Variants in MON2 observed in about 807,000 individuals in gnomAD.
The protein encoded by MON2 is protein MON2 homolog.
In MON2, 84 loss-of-function variants were observed where a neutral mutation model predicts 208.6. The ratio of observed to expected loss-of-function variants is 0.40; its 90% CI spans 0.34 to 0.48. The LOEUF is 0.48. Among genes scored for constraint, MON2 ranks in the 20% least tolerant of loss-of-function variants. MON2 has a pLI of 0.59. For synonymous variants in MON2, 660 were observed against 694.0 expected, an observed-to-expected ratio of 0.95 and a Z score of 0.77; for missense variants, 1,611 against 2,015.4, an observed-to-expected ratio of 0.80 and a Z score of 3.84.
chr12:62,536,257 G>A (rs980725223), intron 14 of MON2, among the ~76,000 whole-genome samples: 1 of 151,972 alleles, frequency 6.6e-6, no homozygotes. Context: ...GAACAGTAAT[G>A]TTTGTAACCA....
chr12:62,553,745 C>T (rs1428744219), intron 24 of MON2, among the ~76,000 whole-genome samples: 3 of 152,088 alleles, frequency 2.0e-5, no homozygotes, highest in Non-Finnish European at 2.9e-5. Context: ...CTAATAAAAT[C>T]AGCAGTTTAT....
chr12:62,560,235 T>C, intron 25 of MON2: 1 of 308,506 alleles, frequency 3.2e-6, no homozygotes, highest in Non-Finnish European at 5.9e-6. Context: ...TTTTTAAGAT[T>C]GAAACATTAT....
At chr12:62,567,253 C>A (rs755512600) in intron 29 of MON2, among the ~76,000 whole-genome samples, 7 of 152,152 alleles carry the variant, frequency 4.6e-5, no homozygotes, top group Admixed American at 2.6e-4. Flanking sequence ...CTATCCCAAC[C>A]TTTCTTCATT....
chr12:62,493,989 C>A lies in MON2; in HGVS notation c.250C>A (p.Gln84Lys), dbSNP rs1565970009. The A allele has an allele frequency of 6.2e-7, 1 of 1,613,140 alleles. No homozygotes were observed. The highest frequency in any genetic ancestry group is 1.1e-5 in the South Asian group (1 of 91,024). The change falls in exon 3 of 35, where the codon CAG (glutamine) becomes AAG (lysine). Residue 84 changes from glutamine (Q) to lysine (K), a missense_variant. Coordinates refer to ENST00000393630, the MANE Select transcript of MON2 (RefSeq NM_015026.3). ...GCGTKEPKITQLCLAAIQRLM... is the reference protein window; with the variant it reads ...GCGTKEPKITKLCLAAIQRLM... ...TGGAACCAAGGAACCGAAGATCACT[C>A]AGCTATGTTTGGCTGCTATTCAGAG...
intron 7 of MON2, among the ~76,000 whole-genome samples, chr12:62,507,082 T>C (rs1216858562): frequency 6.6e-6 from 1 of 152,194 alleles, no homozygotes; most frequent in Non-Finnish European, 1.5e-5. Context: ...TTGTTTGCCA[T>C]TGCATGTTTT....
chr12:62,537,495 A>T, intron 15 of MON2, 107 bp from the exon 16 acceptor site: 2 of 857,760 alleles, frequency 2.3e-6, no homozygotes, highest in Non-Finnish European at 3.5e-6. Flanking sequence ...TCTTTTTCTT[A>T]ATTTTTTCTT....
At chr12:62,589,830 A>G (rs546463380) in intron 34 of MON2, among the ~76,000 whole-genome samples, 1 of 152,232 alleles carries the variant, frequency 6.6e-6, no homozygotes, top group South Asian at 2.1e-4. Flanking sequence ...TTACAAAGCC[A>G]ATAGGTTATA....
Position 62,571,555 on chromosome 12 carries a change from C to G in MON2, c.4487C>G (p.Thr1496Ser), listed in dbSNP as rs759888325. ...AGTATGTGGCCAGAACTAGCCAATA[C>G]TTTTGAAGATTTTCTCTTTACTAAA... ...FDSMWPELANTFEDFLFTKSI... is the reference protein window; with the variant it reads ...FDSMWPELANSFEDFLFTKSI... Residue 1496 changes from threonine (T) to serine (S), a missense_variant, in exon 30 of 35, where the codon ACT (threonine) becomes AGT (serine). Coordinates refer to ENST00000393630, the MANE Select transcript of MON2 (RefSeq NM_015026.3). The G allele has an allele frequency of 6.2e-7, 1 of 1,609,626 alleles. No homozygotes were observed. The highest frequency in any genetic ancestry group is 8.5e-7 in the Non-Finnish European group (1 of 1,178,690).
chr12:62,572,162 G>C (rs1354194214), intron 30 of MON2, among the ~76,000 whole-genome samples: 1 of 152,160 alleles, frequency 6.6e-6, no homozygotes, highest in Non-Finnish European at 1.5e-5. Context: ...CAGTACAGTA[G>C]CAATTGCTAG....
chr12:62,497,157 T>G (rs2070547494), intron 4 of MON2, among the ~76,000 whole-genome samples: 1 of 84,330 alleles, frequency 1.2e-5, no homozygotes, highest in Non-Finnish European at 2.3e-5. Context: ...GGGCCTGTTG[T>G]GGGGTTGGGG....
In MON2 at chr12:62,545,006, C is replaced by G; in HGVS notation, c.2575C>G (p.Gln859Glu). 2 of 1,558,622 alleles carry G rather than the reference C, an allele frequency of 1.3e-6. No individual in the cohort carries two copies. The highest frequency in any genetic ancestry group is 1.7e-6 in the Non-Finnish European group (2 of 1,150,922). Residue 859 changes from glutamine to glutamate, a missense_variant and splice_region_variant, in exon 21 of 35, where the codon CAG (glutamine) becomes GAG (glutamate). By Grantham distance (29) the Gln-to-Glu change is conservative. Transcript: ENST00000393630. ...FNHDPPLSQN[Q>E]RLQLLLLNPL... ...CCATGATCCTCCACTCTCACAAAAC[C>G]AGGTAATAAAAACCTTACTTTTTAA...
rs1428329377 is a variant in MON2 at position 62,556,910 on chromosome 12, T to C, written c.3409+718T>C. On this transcript the variant is annotated intron_variant, in intron 25 of 34. Transcript: ENST00000393630. ...GAGAAATATAATGAGATCTCATCTC[T>C]ACAAAAATTTTTTTAAAATAAAAAA... 3.9e-5 allele frequency among the ~76,000 whole-genome samples: 6 copies of C among 152,228 alleles called. No individual in the cohort carries two copies. The South Asian group carries it at 1.2e-3, about 32-fold the overall frequency.
chr12:62,506,744 A>T (rs1382331837), intron 7 of MON2, among the ~76,000 whole-genome samples: 1 of 151,590 alleles, frequency 6.6e-6, no homozygotes, highest in East Asian at 1.9e-4. Context: ...AAAAAGATAC[A>T]TTTAAAAAAT....
chr12:62,532,292 TA>T, intron 11 of MON2, 145 bp from the exon 12 acceptor site: 1 of 650,474 alleles, frequency 1.5e-6, no homozygotes, highest in Non-Finnish European at 2.6e-6. Context: ...ATCTCTTCCC[TA>T]AATGAAAGAA....
chr12:62,521,625 G>A (rs1280454210), intron 8 of MON2, among the ~76,000 whole-genome samples: 1 of 152,152 alleles, frequency 6.6e-6, no homozygotes, highest in East Asian at 1.9e-4. Flanking sequence ...GTTCAAGGGT[G>A]AAGATAATTA....
At chr12:62,541,242 A>G (rs1472290056) in intron 19 of MON2, among the ~76,000 whole-genome samples, 1 of 152,112 alleles carries the variant, frequency 6.6e-6, no homozygotes, top group Non-Finnish European at 1.5e-5. Flanking sequence ...TTAGCCTGGC[A>G]TGGTGGTGCA....
chr12:62,577,240 GT>G (rs1450011727), intron 30 of MON2, among the ~76,000 whole-genome samples: 4 of 151,954 alleles, frequency 2.6e-5, no homozygotes, highest in Admixed American at 1.3e-4. Context: ...ATTTCTTTCA[GT>G]TTTTTTACTC....
chr12:62,506,624 G>T (rs1466290471), intron 7 of MON2, among the ~76,000 whole-genome samples: 1 of 151,924 alleles, frequency 6.6e-6, no homozygotes, highest in Non-Finnish European at 1.5e-5. Context: ...TACTTGGGAG[G>T]CTGAGGCAGG....
intron 32 of MON2, among the ~76,000 whole-genome samples, chr12:62,582,330 C>A (rs1379841685): frequency 1.3e-5 from 2 of 152,138 alleles, no homozygotes; most frequent in Non-Finnish European, 2.9e-5. Flanking sequence ...AGTGACTTTG[C>A]CATATGACAC....
Sources: allele counts gnomAD v4.1 joint callset (sites outside exome capture counted in the v4.1 genomes callset), GRCh38; gene constraint gnomAD v4.1.1; transcripts MANE v1.5; gene names NCBI Gene and HGNC (gene_info 2026-07-23, HGNC 2026-07-21).